CDKL3: variants seen among roughly 807,000 people sequenced by gnomAD.
CDKL3 encodes the protein cyclin-dependent kinase-like 3.
In CDKL3, 65 loss-of-function variants were observed where a neutral mutation model predicts 69.3. The observed-to-expected ratio is 0.94, with a 90% CI of 0.77 to 1.15. CDKL3 has a LOEUF of 1.15. CDKL3 is among the 50% of genes most tolerant of loss of function. The pLI is 0.00. For missense variants in CDKL3, 652 were observed against 689.2 expected, an observed-to-expected ratio of 0.95 and a Z score of 0.61; for synonymous variants, 202 against 221.6, an observed-to-expected ratio of 0.91 and a Z score of 0.79.
chr5:134,360,154 A>G, intron 2 of CDKL3, 63 bp from the exon 3 acceptor site: 1 of 1,103,540 alleles, frequency 9.1e-7, no homozygotes, highest in Non-Finnish European at 1.3e-6. Context: ...TGTACATATA[A>G]CGTGTAAATT....
chr5:134,315,331 G>A (rs532911157), intron 6 of CDKL3, among the ~76,000 whole-genome samples: 1 of 152,148 alleles, frequency 6.6e-6, no homozygotes, highest in African/African-American at 2.4e-5. Flanking sequence ...ATAGGTTAAG[G>A]ATTATTTTTT....
At chr5:134,305,711 T>C (rs1479033653) in intron 10 of CDKL3, among the ~76,000 whole-genome samples, 1 of 152,252 alleles carries the variant, frequency 6.6e-6, no homozygotes, top group African/African-American at 2.4e-5. Flanking sequence ...CCTAATGTAC[T>C]TAGTCATCTG....
chr5:134,284,600 C>A (rs1764773977), downstream of CDKL3, among the ~76,000 whole-genome samples: 1 of 152,174 alleles, frequency 6.6e-6, no homozygotes, highest in African/African-American at 2.4e-5. Context: ...CTAATCCTAG[C>A]AAGCCTGAGG....
chr5:134,305,408 C>T (rs1767543856), intron 10 of CDKL3, among the ~76,000 whole-genome samples: 1 of 152,202 alleles, frequency 6.6e-6, no homozygotes, highest in Non-Finnish European at 1.5e-5. Context: ...GCCACTGTGC[C>T]TGGCCAGAAC....
chr5:134,319,731 C>T (rs1772230056), intron 5 of CDKL3, among the ~76,000 whole-genome samples: 1 of 152,122 alleles, frequency 6.6e-6, no homozygotes, highest in South Asian at 2.1e-4. Flanking sequence ...GTAAAACCAC[C>T]AGGTTTATTT....
At chr5:134,286,761 G>C (rs1414795422) in intron 8 of CDKL3, among the ~76,000 whole-genome samples, 2 of 152,116 alleles carry the variant, frequency 1.3e-5, no homozygotes, top group Admixed American at 6.6e-5. Context: ...TTACTATTAT[G>C]AGAACAGCAC....
chr5:134,339,218 C>T (rs1164194924), intron 4 of CDKL3, among the ~76,000 whole-genome samples: 1 of 151,862 alleles, frequency 6.6e-6, no homozygotes, highest in Non-Finnish European at 1.5e-5. Context: ...AACAGATTAA[C>T]CAATCCAGCA....
upstream of CDKL3, chr5:134,371,451 A>T: frequency 1.0e-6 from 1 of 977,324 alleles, no homozygotes; most frequent in Non-Finnish European, 1.5e-6. Context: ...GGGAGACGTC[A>T]TTGCAGGGTT....
At chr5:134,322,939 A>G (rs779727830) in intron 4 of CDKL3, among the ~76,000 whole-genome samples, 38 of 151,748 alleles carry the variant, frequency 2.5e-4, no homozygotes, top group Non-Finnish European at 4.9e-4. Flanking sequence ...AGATCATGCC[A>G]TTGCACTCTA....
downstream of CDKL3, among the ~76,000 whole-genome samples, chr5:134,284,220 C>A (rs1043174313): frequency 6.6e-6 from 1 of 152,150 alleles, no homozygotes; most frequent in African/African-American, 2.4e-5. Context: ...AAGTGTTGGT[C>A]TGTCTGAGAA....
Position 134,308,617 on chromosome 5 carries a change from G to A in CDKL3, c.992C>T (p.Thr331Ile). The change falls in exon 8 of 13, where the codon ACA becomes ATA. Residue 331 changes from threonine (T) to isoleucine (I), a missense_variant. Transcript: ENST00000265334. ...ACTTAGCAGTGTATTGGTATAAACTGTTTTTCTTTCATCTTTCCTGAGTTC... is the reference window on the plus strand; with the variant it reads ...ACTTAGCAGTGTATTGGTATAAACTATTTTTCTTTCATCTTTCCTGAGTTC... ...ENELRKDERK[T>I]VYTNTLLSSS... 6.2e-7 allele frequency: 1 copy of A among 1,606,704 alleles called. No homozygotes were observed. Among genetic ancestry groups the A allele is most frequent in the Non-Finnish European group, 8.5e-7 (1 of 1,178,220 alleles).
chr5:134,327,994 C>T (rs1200318712), intron 4 of CDKL3, among the ~76,000 whole-genome samples: 4 of 152,070 alleles, frequency 2.6e-5, no homozygotes, highest in African/African-American at 4.8e-5. Context: ...TTTAGCCAGT[C>T]GCCATGATAC....
chr5:134,314,049 C>G (rs116632975), intron 6 of CDKL3, among the ~76,000 whole-genome samples: 1 of 151,920 alleles, frequency 6.6e-6, no homozygotes, highest in Non-Finnish European at 1.5e-5. Context: ...GAGGCTAAGG[C>G]GGAAGAATTG....
chr5:134,328,247 A>G (rs1223280577), intron 4 of CDKL3, among the ~76,000 whole-genome samples: 1 of 152,228 alleles, frequency 6.6e-6, no homozygotes, highest in Admixed American at 6.5e-5. Flanking sequence ...TCACAGAACT[A>G]AAGGAAAGCA....
At chr5:134,319,204 G>A in intron 6 of CDKL3, 154 bp downstream of exon 6, 1 of 496,988 alleles carries the variant, frequency 2.0e-6, no homozygotes, top group Non-Finnish European at 3.4e-6. Flanking sequence ...GGTGGCAGGT[G>A]CCTGTAATCC....
At chr5:134,328,202 A>C (rs1368017169) in intron 4 of CDKL3, among the ~76,000 whole-genome samples, 1 of 152,258 alleles carries the variant, frequency 6.6e-6, no homozygotes, top group Admixed American at 6.5e-5. Flanking sequence ...TGGATTTAGC[A>C]GAAAAATATT....
At chr5:134,325,741 T>C (rs952034203) in intron 4 of CDKL3, among the ~76,000 whole-genome samples, 1 of 151,908 alleles carries the variant, frequency 6.6e-6, no homozygotes, top group Non-Finnish European at 1.5e-5. Flanking sequence ...TCTCAAGCTT[T>C]AAGTTAATTG....
intron 4 of CDKL3, among the ~76,000 whole-genome samples, chr5:134,341,934 G>A (rs1232284653): frequency 6.6e-6 from 1 of 152,210 alleles, no homozygotes; most frequent in Non-Finnish European, 1.5e-5. Context: ...AAAATCTAAT[G>A]CAGTCTGCTG....
chr5:134,371,608 G>T, upstream of CDKL3: 1 of 1,613,078 alleles, frequency 6.2e-7, no homozygotes, highest in Non-Finnish European at 8.5e-7. Flanking sequence ...GTCGACCCCG[G>T]CCCGGAGGAG....
Sources: gnomAD v4.1 joint callset for allele counts (sites outside exome capture counted in the v4.1 genomes callset) on GRCh38, gnomAD v4.1.1 for gene constraint, MANE v1.5 for transcripts, NCBI Gene and HGNC (gene_info 2026-07-23, HGNC 2026-07-21) for gene names.